Variants in TAF3 observed in about 807,000 individuals in gnomAD.
TAF3 encodes TATA-box binding protein associated factor 3, also known as transcription initiation factor TFIID subunit 3.
A neutral mutation model predicts 80.6 loss-of-function variants in TAF3; 7 were observed. The observed-to-expected ratio is 0.09, with a 90% CI of 0.05 to 0.16. The LOEUF (loss-of-function observed/expected upper bound fraction) is 0.16, where lower values mean the gene tolerates loss of function less well. Ranked by LOEUF, TAF3 falls within the 10% of genes least tolerant of loss-of-function variation. TAF3 has a pLI of 1.00. For missense variants in TAF3, 921 were observed against 1,140.2 expected (o/e 0.81, Z 2.77); for synonymous variants, 444 against 446.1 (o/e 1.00, Z 0.06).
chr10:7,984,797 C>T (rs1474349701), intron 4 of TAF3, among the ~76,000 whole-genome samples: 1 of 152,142 alleles, frequency 6.6e-6, no homozygotes, highest in Non-Finnish European at 1.5e-5. Context: ...TGTTCCTTAA[C>T]CTGTGACAGG....
chr10:7,928,428 G>A (rs571512830), intron 2 of TAF3, among the ~76,000 whole-genome samples: 4 of 152,170 alleles, frequency 2.6e-5, no homozygotes, highest in Non-Finnish European at 4.4e-5. Context: ...TTTACCTTTT[G>A]TGTCAAAAAA....
In TAF3 at chr10:7,965,422, G is replaced by T; in HGVS notation, c.1912G>T (p.Val638Leu). 1 of 1,613,462 alleles carries T rather than the reference G, an allele frequency of 6.2e-7. No homozygotes were observed. ...KDKDKREKEK[V>L]KDKGREDKMK... Reference sequence around the variant, plus strand: ...TAAAGATAAGAGAGAGAAAGAAAAAGTGAAAGATAAAGGCAGAGAAGATAA... The same window carrying T: ...TAAAGATAAGAGAGAGAAAGAAAAATTGAAAGATAAAGGCAGAGAAGATAA... Residue 638 changes from valine (V) to leucine (L), a missense_variant, in exon 3 of 7, where the codon GTG (valine) becomes TTG (leucine). By Grantham distance (32) the Val-to-Leu change is conservative. Around this residue, in one of 6 missense-constraint regions of TAF3, gnomAD observed 743 missense variants for 821.0 expected, o/e 0.90. Transcript: ENST00000344293.
chr10:7,987,393 C>G (rs1564377926), intron 4 of TAF3, among the ~76,000 whole-genome samples: 1 of 152,266 alleles, frequency 6.6e-6, no homozygotes, highest in East Asian at 1.9e-4. Flanking sequence ...TCTAACAGAT[C>G]ATGAACATTT....
intron 3 of TAF3, among the ~76,000 whole-genome samples, chr10:7,976,485 G>T (rs1216917185): frequency 1.3e-5 from 2 of 151,344 alleles, no homozygotes; most frequent in African/African-American, 4.9e-5. Context: ...CATGATCTCG[G>T]CTCACTGTAA....
chr10:7,950,644 C>T (rs1274224036), intron 2 of TAF3, among the ~76,000 whole-genome samples: 1 of 152,220 alleles, frequency 6.6e-6, no homozygotes, highest in African/African-American at 2.4e-5. Context: ...CAGTTATCCT[C>T]ATTATGCACA....
At chr10:7,967,922 G>A (rs1271397065) in intron 3 of TAF3, among the ~76,000 whole-genome samples, 1 of 152,138 alleles carries the variant, frequency 6.6e-6, no homozygotes, top group African/African-American at 2.4e-5. Flanking sequence ...AAATAGGAAA[G>A]GATAAAGGTT....
intron 2 of TAF3, among the ~76,000 whole-genome samples, chr10:7,951,640 G>T (rs534512287): frequency 6.6e-6 from 1 of 152,332 alleles, no homozygotes; most frequent in Admixed American, 6.5e-5. Flanking sequence ...GAAGCCCAGT[G>T]GAAGGGCATA....
intron 2 of TAF3, among the ~76,000 whole-genome samples, chr10:7,881,326 G>A (rs1321149912): frequency 1.3e-5 from 2 of 151,468 alleles, no homozygotes; most frequent in Non-Finnish European, 2.9e-5. Flanking sequence ...TGTATCTTGA[G>A]AATCTTCAGT....
At chr10:7,825,244 A>G (rs926724516) in intron 2 of TAF3, among the ~76,000 whole-genome samples, 2 of 152,236 alleles carry the variant, frequency 1.3e-5, no homozygotes, top group Non-Finnish European at 2.9e-5. Flanking sequence ...AAAAGTTGCA[A>G]TAAGTTCTTT....
chr10:7,829,942 A>G (rs944688564), intron 2 of TAF3, among the ~76,000 whole-genome samples: 2 of 152,212 alleles, frequency 1.3e-5, no homozygotes, highest in Admixed American at 6.5e-5. Flanking sequence ...AAACATTTAC[A>G]TGTTTGAAAA....
chr10:7,858,512 T>C (rs1837106126), intron 2 of TAF3, among the ~76,000 whole-genome samples: 1 of 152,202 alleles, frequency 6.6e-6, no homozygotes, highest in South Asian at 2.1e-4. Flanking sequence ...TCTTACTGAT[T>C]AGGTACTTTC....
chr10:7,875,633 TG>T (rs1837306246), intron 2 of TAF3, among the ~76,000 whole-genome samples: 1 of 152,158 alleles, frequency 6.6e-6, no homozygotes, highest in Admixed American at 6.6e-5. Flanking sequence ...CTTTGTGTGG[TG>T]GTCCTAATGC....
intron 2 of TAF3, among the ~76,000 whole-genome samples, chr10:7,941,198 G>A (rs2131206097): frequency 6.6e-6 from 1 of 152,318 alleles, no homozygotes; most frequent in South Asian, 2.1e-4. Flanking sequence ...AATCCAGCAA[G>A]CTGAGTGACC....
At chr10:7,868,489 G>A (rs534786271) in intron 2 of TAF3, among the ~76,000 whole-genome samples, 106 of 151,744 alleles carry the variant, frequency 7.0e-4, no homozygotes, top group African/African-American at 2.4e-3. Context: ...GTGACATAGC[G>A]GCCAAGTTCT....
intron 4 of TAF3, among the ~76,000 whole-genome samples, chr10:7,987,557 T>G (rs945536685): frequency 6.6e-6 from 1 of 152,214 alleles, no homozygotes; most frequent in African/African-American, 2.4e-5. Flanking sequence ...TATTCAGTGT[T>G]ACTAGGTCAA....
chr10:7,903,034 A>G (rs1296678632), intron 2 of TAF3, among the ~76,000 whole-genome samples: 2 of 152,100 alleles, frequency 1.3e-5, no homozygotes. Context: ...CAGCCTGGAC[A>G]ACATAGTAGG....
intron 2 of TAF3, among the ~76,000 whole-genome samples, chr10:7,896,676 A>G (rs1262451254): frequency 2.0e-5 from 3 of 152,228 alleles, no homozygotes; most frequent in Non-Finnish European, 4.4e-5. Flanking sequence ...AGAGGAACAT[A>G]TATAATAGCA....
chr10:7,958,509 G>T (rs972980364), intron 2 of TAF3, among the ~76,000 whole-genome samples: 6 of 151,554 alleles, frequency 4.0e-5, no homozygotes, highest in Admixed American at 2.0e-4. Context: ...AAAAATTATA[G>T]TATCATACTA....
chr10:7,852,080 A>G (rs920922566), intron 2 of TAF3, among the ~76,000 whole-genome samples: 1 of 151,738 alleles, frequency 6.6e-6, no homozygotes, highest in Non-Finnish European at 1.5e-5. Flanking sequence ...CACCATGCCA[A>G]GCCTTTCCCC....
Sources: allele counts gnomAD v4.1 joint callset (sites outside exome capture counted in the v4.1 genomes callset), GRCh38; gene constraint gnomAD v4.1.1; regional missense constraint gnomAD v4.1.1; transcripts MANE v1.5; gene names NCBI Gene and HGNC (gene_info 2026-07-23, HGNC 2026-07-21).